The following SH3PXD2B variants were observed in gnomAD, a reference collection of about 807,000 sequenced individuals.
SH3PXD2B encodes the protein SH3 and PX domains 2B, also known as SH3 and PX domain-containing protein 2B.
In SH3PXD2B, 37 loss-of-function variants were observed where a neutral mutation model predicts 73.1. That is an observed-to-expected ratio of 0.51 (90% CI 0.39 to 0.67). The LOEUF (loss-of-function observed/expected upper bound fraction) is 0.67. SH3PXD2B is among the 30% of genes least tolerant of loss of function. The pLI, the probability that SH3PXD2B is intolerant of heterozygous loss-of-function variation, is 0.00. For missense variants in SH3PXD2B, 1,053 were observed against 1,197.8 expected (o/e 0.88, Z 1.78); for synonymous variants, 457 against 480.5 (o/e 0.95, Z 0.64).
In SH3PXD2B at chr5:172,334,901, T is replaced by C; in HGVS notation, c.*3468A>G. Reference sequence around the variant, plus strand: ...CGCAAACATTTTAGGGCCAAGAACATTGACTTGGAAATTGATTCTATGGCG... The same window carrying C: ...CGCAAACATTTTAGGGCCAAGAACACTGACTTGGAAATTGATTCTATGGCG... On this transcript the variant is annotated 3_prime_UTR_variant, in exon 13 of 13. Coordinates refer to ENST00000311601, the MANE Select transcript of SH3PXD2B (RefSeq NM_001017995.3). 1.0e-6 allele frequency: 1 copy of C among 985,364 alleles called. No homozygotes were observed. The highest frequency in any genetic ancestry group is 1.2e-6 in the Non-Finnish European group (1 of 829,922). The allele number at this position is 985,364 out of a possible 1,614,324, so 61.0% of individuals were successfully genotyped here.
chr5:172,418,862 T>C (rs941370389), intron 2 of SH3PXD2B, among the ~76,000 whole-genome samples: 1 of 151,982 alleles, frequency 6.6e-6, no homozygotes, highest in African/African-American at 2.4e-5. Context: ...TAAGTTCTGG[T>C]AGAAATAAGA....
Position 172,336,555 on chromosome 5 carries a change from CG to C in SH3PXD2B, c.*1813del. 1 of 986,090 alleles carries C rather than the reference CG, an allele frequency of 1.0e-6. No homozygotes were observed. The highest frequency in any genetic ancestry group is 1.2e-6 in the Non-Finnish European group (1 of 830,076). The allele number at this position is 986,090 out of a possible 1,614,324, so 61.1% of individuals were successfully genotyped here. A position where few individuals can be genotyped will look rare whatever the true frequency, so the allele number is the denominator to read the frequency against. ...TGATAGGGGGTGGAGCTGGGAGGCG[CG>C]GCAGAAGAGGGCTGTTCAAGCAAAA... On this transcript the variant is annotated 3_prime_UTR_variant, in exon 13 of 13. Coordinates refer to ENST00000311601, the MANE Select transcript of SH3PXD2B (RefSeq NM_001017995.3).
rs1561891497 is a variant in SH3PXD2B, at chr5:172,339,753, TC to T, written c.1351del (p.Glu451LysfsTer45). 2 of 1,613,214 alleles carry T rather than the reference TC, an allele frequency of 1.2e-6. No homozygotes were observed. Among genetic ancestry groups the T allele is most frequent in the South Asian group, 1.1e-5 (1 of 91,058 alleles). On this transcript the variant is annotated frameshift_variant, in exon 13 of 13. Coordinates refer to ENST00000311601, the MANE Select transcript of SH3PXD2B (RefSeq NM_001017995.3). LOFTEE classifies it low-confidence loss of function (END_TRUNC). This position sits in a 1 kb window ranked among gnomAD's most constrained non-coding sequence, Gnocchi z 6.1. ...PHEVTQLRLG[E>X]AAALENNTGS... Reference sequence around the variant, plus strand: ...CGTGTTGTTCTCCAGCGCTGCTGCTTCCCCCAGCCGGAGCTGGGTCACCTCG... The same window carrying T: ...CGTGTTGTTCTCCAGCGCTGCTGCTTCCCCAGCCGGAGCTGGGTCACCTCG...
At chr5:172,454,008 G>A (rs1369650842) in intron 1 of SH3PXD2B, among the ~76,000 whole-genome samples, 1 of 150,718 alleles carries the variant, frequency 6.6e-6, no homozygotes, top group Non-Finnish European at 1.5e-5. Flanking sequence ...GGAGAAGACA[G>A]AAAGGGGTAG....
chr5:172,389,057 C>CTTT (rs113765077), intron 4 of SH3PXD2B, among the ~76,000 whole-genome samples: 2 of 136,540 alleles, frequency 1.5e-5, no homozygotes, highest in Non-Finnish European at 3.1e-5. Context: ...TTTACTTTTT[C>CTTT]TTTTTTTTTT....
At chr5:172,326,635 G>C (rs1244946399) in intron 12 of SH3PXD2B, among the ~76,000 whole-genome samples, 2 of 152,072 alleles carry the variant, frequency 1.3e-5, no homozygotes, top group Admixed American at 6.5e-5. Flanking sequence ...TACTAGGCAG[G>C]GGTTGTCAAG....
intron 1 of SH3PXD2B, among the ~76,000 whole-genome samples, chr5:172,446,294 C>A (rs1366201736): frequency 6.6e-6 from 1 of 152,204 alleles, no homozygotes; most frequent in Non-Finnish European, 1.5e-5. Flanking sequence ...GCCCTGCCTG[C>A]AGAAGCCACA....
chr5:172,434,783 T>TTTTTTTTTGTTTTTTG (rs1554087273), intron 1 of SH3PXD2B, among the ~76,000 whole-genome samples: 4 of 44,380 alleles, frequency 9.0e-5, no homozygotes, highest in African/African-American at 5.5e-4. Flanking sequence ...TGGCCAATGG[T>TTTTTTTTTGTTTTTTG]TTTTTTTTTT....
intron 2 of SH3PXD2B, among the ~76,000 whole-genome samples, chr5:172,419,123 G>A (rs1758892516): frequency 6.6e-6 from 1 of 152,138 alleles, no homozygotes; most frequent in Admixed American, 6.5e-5. Flanking sequence ...ACATACAGCG[G>A]TGACCCCAAG....
At chr5:172,394,705 G>A (rs1383498331) in intron 3 of SH3PXD2B, 66 bp from the exon 4 acceptor site, 1 of 1,563,418 alleles carries the variant, frequency 6.4e-7, no homozygotes. Flanking sequence ...CAACCTGAGA[G>A]GGTGTGGACA....
intron 5 of SH3PXD2B, among the ~76,000 whole-genome samples, chr5:172,375,172 C>T (rs1056652495): frequency 6.6e-6 from 1 of 152,102 alleles, no homozygotes; most frequent in African/African-American, 2.4e-5. Flanking sequence ...CCAGCCTGGC[C>T]AACATGGCAA....
intron 6 of SH3PXD2B, among the ~76,000 whole-genome samples, chr5:172,365,590 C>G (rs1002407145): frequency 2.9e-5 from 4 of 136,250 alleles, no homozygotes; most frequent in Non-Finnish European, 6.2e-5. Flanking sequence ...CCACTTCCCC[C>G]GAGGTCAGGT....
chr5:172,438,738 C>T (rs1251861797), intron 1 of SH3PXD2B, among the ~76,000 whole-genome samples: 1 of 152,082 alleles, frequency 6.6e-6, no homozygotes, highest in Non-Finnish European at 1.5e-5. Context: ...AATGCCTCAT[C>T]CCACTGTATG....
At chr5:172,434,504 T>C (rs1270781661) in intron 1 of SH3PXD2B, among the ~76,000 whole-genome samples, 1 of 152,208 alleles carries the variant, frequency 6.6e-6, no homozygotes, top group African/African-American at 2.4e-5. Context: ...GCTGCCGCCC[T>C]GCTTCCCCTG....
intron 2 of SH3PXD2B, 108 bp from the exon 3 acceptor site, chr5:172,406,460 G>T: frequency 8.0e-7 from 1 of 1,252,354 alleles, no homozygotes; most frequent in Non-Finnish European, 1.1e-6. Context: ...TATACTAAAA[G>T]TTCACTGCGT....
intron 10 of SH3PXD2B, 84 bp from the exon 11 acceptor site, chr5:172,347,416 GC>G: frequency 7.1e-7 from 1 of 1,412,266 alleles, no homozygotes; most frequent in East Asian, 2.3e-5. Flanking sequence ...ATTTTCTCCT[GC>G]AGAAGATTGA....
intron 7 of SH3PXD2B, 79 bp from the exon 8 acceptor site, chr5:172,358,956 C>T: frequency 1.5e-6 from 2 of 1,331,894 alleles, no homozygotes; most frequent in South Asian, 1.2e-5. Context: ...ATCTATTCAG[C>T]CACTGTACCA....
In SH3PXD2B at chr5:172,362,829, C is replaced by T; in HGVS notation, c.468G>A (p.Gln156=). The T allele has an allele frequency of 6.2e-7, 1 of 1,614,200 alleles. No homozygotes were observed. Among genetic ancestry groups the T allele is most frequent in the South Asian group, 1.1e-5 (1 of 91,080 alleles). Residue 156 remains glutamine (Q), a synonymous_variant, in exon 7 of 13, where the codon CAG becomes CAA. Transcript: ENST00000311601. ...QTSVDPMVLE[Q]YVVVANYQKQ... is the part of the protein sequence containing the mutation. The stretch of plus-strand genomic sequence containing the variant: ...TCTGGTAGTTGGCTACCACCACATA[C>T]TGCTCCAGGACCATGGGGTCCACTG...
At chr5:172,365,668 G>A (rs1429904946) in intron 6 of SH3PXD2B, among the ~76,000 whole-genome samples, 1 of 152,194 alleles carries the variant, frequency 6.6e-6, no homozygotes, top group Non-Finnish European at 1.5e-5. Flanking sequence ...CGTGAGCAGT[G>A]GCCTGAGAGT....
Sources: allele counts gnomAD v4.1 joint callset (sites outside exome capture counted in the v4.1 genomes callset), GRCh38; gene constraint gnomAD v4.1.1; non-coding constraint Gnocchi (gnomAD v3.1); transcripts MANE v1.5; gene names NCBI Gene and HGNC (gene_info 2026-07-23, HGNC 2026-07-21).